Variants in ASPM observed in about 807,000 individuals in gnomAD.
ASPM encodes assembly factor for spindle microtubules, also known as abnormal spindle-like microcephaly-associated protein.
ASPM carries 256 observed loss-of-function variants against 366.4 expected under a neutral mutation model. The ratio of observed to expected loss-of-function variants is 0.70; its 90% CI spans 0.63 to 0.77. The LOEUF is 0.77. ASPM is among the 30% of genes least tolerant of loss of function. The probability of loss-of-function intolerance (pLI) is 0.00; values close to 1 mark genes in which losing one functional copy is unlikely to be tolerated. For missense variants in ASPM, 4,146 were observed against 4,090.4 expected, an observed-to-expected ratio of 1.01 and a Z score of -0.37; for synonymous variants, 1,414 against 1,342.9, an observed-to-expected ratio of 1.05 and a Z score of -1.16.
rs1657156047 is a variant in ASPM at position 197,101,094 on chromosome 1, C to A, written c.8157G>T (p.Gln2719His). Residue 2719 changes from glutamine (Q) to histidine (H), a missense_variant, in exon 18 of 28, where the codon CAG becomes CAT. Transcript: ENST00000367409. ...CTCTAACATACAACCTATAATAATT[C>A]TGTATAACCACAATTGCAGTTTTCT... ...ETKKTAIVVI[Q>H]NYYRLYVRVK... is the part of the protein sequence containing the mutation. The A allele has an allele frequency of 1.9e-6, 3 of 1,611,802 alleles. No homozygotes were observed. The highest frequency in any genetic ancestry group is 2.5e-6 in the Non-Finnish European group (3 of 1,178,786).
At chr1:197,121,796 A>C in intron 16 of ASPM, 119 bp downstream of exon 16, 1 of 1,271,072 alleles carries the variant, frequency 7.9e-7, no homozygotes, top group Non-Finnish European at 1.1e-6. Flanking sequence ...ATACACAATT[A>C]CTAAATTTAT....
intron 23 of ASPM, among the ~76,000 whole-genome samples, 167 bp from the exon 24 acceptor site, chr1:197,090,555 AAAAG>A (rs1656746093): frequency 6.6e-6 from 1 of 152,130 alleles, no homozygotes; most frequent in Admixed American, 6.6e-5. Context: ...AACTTTCAAA[AAAAG>A]AAATACAGAT....
At position 197,146,533 on chromosome 1, in the gene ASPM, G is replaced by T. The variant is rs1011087975; in HGVS notation, c.-96C>A. On this transcript the variant is annotated 5_prime_UTR_variant, in exon 1 of 28. The change creates a new upstream start codon in the 5' untranslated region. Coordinates refer to ENST00000367409, the MANE Select transcript of ASPM (RefSeq NM_018136.5). ...GACTTACGCTGACCGCTTCCCCTCA[G>T]GGGCGGCTGTAGAGGTCGTGGGAGT... 38 of 1,412,880 alleles carry T rather than the reference G, an allele frequency of 2.7e-5. No homozygotes were observed. The African/African-American group carries it at 5.1e-4, about 19-fold the overall frequency. The allele number at this position is 1,412,880 out of a possible 1,614,324, so 87.5% of individuals were successfully genotyped here. A position where few individuals can be genotyped will look rare whatever the true frequency, so the allele number is the denominator to read the frequency against.
chr1:197,146,096 G>A, intron 1 of ASPM, 45 bp downstream of exon 1: 2 of 1,612,238 alleles, frequency 1.2e-6, no homozygotes, highest in Non-Finnish European at 8.5e-7. Flanking sequence ...AAAGATAGCG[G>A]AGAAGCAGAA....
chr1:197,117,702 C>T, intron 17 of ASPM, 87 bp downstream of exon 17: 1 of 1,152,962 alleles, frequency 8.7e-7, no homozygotes, highest in South Asian at 1.4e-5. Context: ...AAAATATAAT[C>T]ATTGAAAACT....
chr1:197,119,486 T>C (rs1377331491), intron 16 of ASPM, among the ~76,000 whole-genome samples: 1 of 152,130 alleles, frequency 6.6e-6, no homozygotes, highest in Non-Finnish European at 1.5e-5. Context: ...ATCATCTCTA[T>C]AGAACTAAAA....
chr1:197,142,216 A>T, intron 3 of ASPM, 115 bp downstream of exon 3: 1 of 1,129,824 alleles, frequency 8.9e-7, no homozygotes, highest in Non-Finnish European at 1.3e-6. Context: ...AAGGAAATGT[A>T]CCCAGCAAAT....
In ASPM at chr1:197,124,970, G is replaced by C; in HGVS notation, c.3083-15C>G. 1 of 1,608,124 alleles carries C rather than the reference G, an allele frequency of 6.2e-7. No homozygotes were observed. Among genetic ancestry groups the C allele is most frequent in the Non-Finnish European group, 8.5e-7 (1 of 1,174,652 alleles). ...AATTGTATTTCCTATAAAAGAAAAG[G>C]TTGTCCATTAGCATAATGTACGCAC... On this transcript the variant is annotated splice_polypyrimidine_tract_variant and intron_variant, in intron 11 of 27. Coordinates refer to ENST00000367409, the MANE Select transcript of ASPM (RefSeq NM_018136.5).
rs200881457 is a variant in ASPM, at chr1:197,143,201, C to A, written c.1051G>T (p.Val351Leu). 1.9e-6 allele frequency: 3 copies of A among 1,613,498 alleles called. No individual in the cohort carries two copies. The highest frequency in any genetic ancestry group is 1.7e-6 in the Non-Finnish European group (2 of 1,179,648). Residue 351 changes from valine to leucine, a missense_variant, in exon 3 of 28, where the codon GTG becomes TTG. Transcript: ENST00000367409. Reference protein sequence around the residue: ...DMFMKDNSQPVHLESTIAHEI... With the variant: ...DMFMKDNSQPLHLESTIAHEI... Reference sequence around the variant, plus strand: ...TGTGCAATTGTTGATTCCAAATGCACAGGCTGTGAATTATCTTTCATAAAC... The same window carrying A: ...TGTGCAATTGTTGATTCCAAATGCAAAGGCTGTGAATTATCTTTCATAAAC...
chr1:197,132,891 T>C (rs1381501793), intron 6 of ASPM, among the ~76,000 whole-genome samples: 1 of 152,056 alleles, frequency 6.6e-6, no homozygotes, highest in Non-Finnish European at 1.5e-5. Context: ...AAACAAATAC[T>C]GTATGATCTC....
At chr1:197,123,170 C>T (rs1237844462) in intron 13 of ASPM, among the ~76,000 whole-genome samples, 1 of 152,094 alleles carries the variant, frequency 6.6e-6, no homozygotes, top group African/African-American at 2.4e-5. Flanking sequence ...CTCCTAAGAA[C>T]ACTAGACAGG....
chr1:197,086,420 G>C (rs1656589470), intron 27 of ASPM, among the ~76,000 whole-genome samples: 1 of 152,232 alleles, frequency 6.6e-6, no homozygotes, highest in Non-Finnish European at 1.5e-5. Flanking sequence ...CAAGAATCAG[G>C]GTGATTATGG....
At chr1:197,098,489 G>A (rs1657051837) in intron 18 of ASPM, among the ~76,000 whole-genome samples, 1 of 151,504 alleles carries the variant, frequency 6.6e-6, no homozygotes, top group Non-Finnish European at 1.5e-5. Context: ...ATTTTTATAA[G>A]ATTGTTATTT....
At position 197,142,624 on chromosome 1, in the gene ASPM, G is replaced by A. The variant is rs749742646; in HGVS notation, c.1628C>T (p.Ser543Phe). ...TATTGGATCTATAATTGGAAGATAA[G>A]AATGAAAATCTTCTTTTTCCTTTTG... ...NNQKEKEDFH[S>F]YLPIIDPILS... The change falls in exon 3 of 28, where the codon TCT becomes TTT. Residue 543 changes from serine (S) to phenylalanine (F), a missense_variant. By Grantham distance (155) the Ser-to-Phe change is radical. This residue lies in a region of ASPM where 3,624 missense variants were observed against 3,591.7 expected (regional missense o/e 1.01). Coordinates refer to ENST00000367409, the MANE Select transcript of ASPM (RefSeq NM_018136.5). 1.9e-6 allele frequency: 3 copies of A among 1,611,806 alleles called. No homozygotes were observed. Among genetic ancestry groups the A allele is most frequent in the African/African-American group, 1.3e-5 (1 of 74,912 alleles).
intron 4 of ASPM, chr1:197,138,916 A>G: frequency 2.3e-6 from 2 of 882,170 alleles, no homozygotes; most frequent in Non-Finnish European, 3.8e-6. Flanking sequence ...AGATGCTTGA[A>G]CTTGTCCTGC....
chr1:197,124,851 T>G lies in ASPM; in HGVS notation c.3168+19A>C. ...ATCAAAATTGATAAAAAATACAAGA[T>G]GTACCAAATGTATAATACCTGAAAA... On this transcript the variant is annotated intron_variant, in intron 12 of 27. Transcript: ENST00000367409. The G allele has an allele frequency of 6.5e-7, 1 of 1,548,402 alleles. No individual in the cohort carries two copies. Among genetic ancestry groups the G allele is most frequent in the Non-Finnish European group, 8.9e-7 (1 of 1,121,780 alleles).
intron 23 of ASPM, 43 bp downstream of exon 23, chr1:197,090,807 G>A (rs756010255): frequency 6.4e-7 from 1 of 1,557,910 alleles, no homozygotes; most frequent in Non-Finnish European, 8.8e-7. Flanking sequence ...TAGATGAATT[G>A]CAAACTAAAG....
At position 197,117,975 on chromosome 1, in the gene ASPM, C is replaced by T; in HGVS notation, c.3879G>A (p.Glu1293=). The T allele has an allele frequency of 6.2e-7, 1 of 1,612,866 alleles. No homozygotes were observed. The highest frequency in any genetic ancestry group is 8.5e-7 in the Non-Finnish European group (1 of 1,179,226). ...CCAATTGAATAATTCTTGCAGCTTT[C>T]TCTCTCTCCTAAAATAAAAAAGTCA... ...KTDLKRHQER[E]KAARIIQLAV... Residue 1293 remains glutamate (E), a synonymous_variant, in exon 17 of 28, where the codon GAG becomes GAA. Coordinates refer to ENST00000367409, the MANE Select transcript of ASPM (RefSeq NM_018136.5).
chr1:197,111,900 T>C (rs981120389), intron 17 of ASPM, among the ~76,000 whole-genome samples: 2 of 152,200 alleles, frequency 1.3e-5, no homozygotes, highest in Non-Finnish European at 2.9e-5. Context: ...GGAATGCTTA[T>C]ACACTGTTGG....
Sources: allele counts gnomAD v4.1 joint callset (sites outside exome capture counted in the v4.1 genomes callset), GRCh38; gene constraint gnomAD v4.1.1; regional missense constraint gnomAD v4.1.1; transcripts MANE v1.5; gene names NCBI Gene and HGNC (gene_info 2026-07-23, HGNC 2026-07-21).